CAMK1D: variants seen among roughly 807,000 people sequenced by gnomAD.
CAMK1D encodes the protein calcium/calmodulin dependent protein kinase ID, also known as calcium/calmodulin-dependent protein kinase type 1D.
CAMK1D carries 9 observed loss-of-function variants against 47.7 expected under a neutral mutation model. The ratio of observed to expected loss-of-function variants is 0.19; its 90% CI spans 0.11 to 0.33. The LOEUF (loss-of-function observed/expected upper bound fraction) is 0.33, where lower values mean the gene tolerates loss of function less well. Among genes scored for constraint, CAMK1D ranks in the 10% least tolerant of loss-of-function variants. The pLI is 1.00. For synonymous variants in CAMK1D, 184 were observed against 184.9 expected (o/e 0.99, Z 0.04); for missense variants, 291 against 488.7 (o/e 0.60, Z 3.81).
chr10:12,739,428 A>C (rs1375591356), intron 3 of CAMK1D, among the ~76,000 whole-genome samples: 3 of 145,770 alleles, frequency 2.1e-5, no homozygotes, highest in Non-Finnish European at 3.0e-5. Flanking sequence ...GGTGCATGCC[A>C]CCACACCCGG....
chr10:12,560,029 T>C (rs1836886899), intron 2 of CAMK1D, among the ~76,000 whole-genome samples: 1 of 152,096 alleles, frequency 6.6e-6, no homozygotes, highest in Non-Finnish European at 1.5e-5. Context: ...CACCTTCCTC[T>C]CAATGCGGAC....
At position 12,676,827 on chromosome 10, in the gene CAMK1D, A is replaced by G. The variant is rs552277186; in HGVS notation, c.299+10017A>G. 3.3e-5 allele frequency among the ~76,000 whole-genome samples: 5 copies of G among 152,348 alleles called. No individual in the cohort carries two copies. The South Asian group carries it at 1.0e-3, about 32-fold the overall frequency. On this transcript the variant is annotated intron_variant, in intron 3 of 10. Coordinates refer to ENST00000619168, the MANE Select transcript of CAMK1D (RefSeq NM_153498.4). ...AAGTATTTAAAAAGCAGAGCTCACC[A>G]GAAAATATCCTATATTTTGTGGTGG... is the stretch of plus-strand genomic sequence containing the variant.
chr10:12,628,749 T>G (rs1839295193), intron 2 of CAMK1D, among the ~76,000 whole-genome samples: 1 of 152,220 alleles, frequency 6.6e-6, no homozygotes, highest in African/African-American at 2.4e-5. Flanking sequence ...ATCGTTTCAC[T>G]GCTATACAAA....
chr10:12,697,007 A>G (rs1026465167), intron 3 of CAMK1D, among the ~76,000 whole-genome samples: 5 of 152,182 alleles, frequency 3.3e-5, no homozygotes, highest in African/African-American at 1.2e-4. Flanking sequence ...TTCTCACTGA[A>G]CTTAGAAAGG....
At chr10:12,394,311 C>T (rs1838857052) in intron 1 of CAMK1D, among the ~76,000 whole-genome samples, 2 of 152,132 alleles carry the variant, frequency 1.3e-5, no homozygotes. Context: ...CAGAAACTCC[C>T]CAGACCTCTC....
intron 2 of CAMK1D, among the ~76,000 whole-genome samples, chr10:12,569,887 G>A (rs1837267951): frequency 1.3e-5 from 2 of 151,766 alleles, no homozygotes; most frequent in Admixed American, 1.3e-4. Flanking sequence ...GACTCTACAA[G>A]TACTTGAGGT....
intron 1 of CAMK1D, among the ~76,000 whole-genome samples, chr10:12,519,349 G>C (rs1835318987): frequency 2.1e-5 from 1 of 46,750 alleles, no homozygotes; most frequent in African/African-American, 8.8e-5. Context: ...CCCGGACGGG[G>C]GGCTGACCCC....
At chr10:12,576,692 A>G (rs558844056) in intron 2 of CAMK1D, among the ~76,000 whole-genome samples, 1 of 152,296 alleles carries the variant, frequency 6.6e-6, no homozygotes, top group South Asian at 2.1e-4. Flanking sequence ...ATCTTTTGCC[A>G]CCAATGATCT....
intron 3 of CAMK1D, among the ~76,000 whole-genome samples, chr10:12,746,459 G>T (rs182944903): frequency 2.1e-3 from 316 of 152,116 alleles, no homozygotes; most frequent in Admixed American, 5.0e-3. Context: ...ACATTGGAAC[G>T]TTAGGCTTAT....
chr10:12,505,386 A>G (rs749512884), intron 1 of CAMK1D, among the ~76,000 whole-genome samples: 2 of 152,208 alleles, frequency 1.3e-5, no homozygotes, highest in Non-Finnish European at 2.9e-5. Flanking sequence ...TATAGAGACT[A>G]TTAGGCCTGC....
intron 1 of CAMK1D, among the ~76,000 whole-genome samples, chr10:12,460,512 A>C (rs1196929033): frequency 6.6e-6 from 1 of 152,054 alleles, no homozygotes; most frequent in Non-Finnish European, 1.5e-5. Flanking sequence ...AGCTCACTGC[A>C]TCCTCCTCCT....
chr10:12,801,307 A>ATCTG (rs1302449864), intron 6 of CAMK1D, among the ~76,000 whole-genome samples: 8 of 102,508 alleles, frequency 7.8e-5, no homozygotes, highest in South Asian at 3.8e-4. Flanking sequence ...GTATCTATCT[A>ATCTG]TCTATCTATC....
At chr10:12,551,237 A>G (rs1264018803) in intron 1 of CAMK1D, among the ~76,000 whole-genome samples, 1 of 152,230 alleles carries the variant, frequency 6.6e-6, no homozygotes, top group Non-Finnish European at 1.5e-5. Context: ...CAAGGACTGC[A>G]TTAGATTCTC....
chr10:12,747,185 C>G (rs1028748243), intron 3 of CAMK1D, among the ~76,000 whole-genome samples: 1 of 152,134 alleles, frequency 6.6e-6, no homozygotes, highest in African/African-American at 2.4e-5. Flanking sequence ...GCGCACACCA[C>G]CAAGCCCAGC....
rs534166796 is a variant in CAMK1D at position 12,400,582 on chromosome 10, A to G, written c.92+50672A>G. ...TTTCTTAATAGCCGCTAGCTCTACA[A>G]ATTTTAATCCCTACTAAATAGTATA... On this transcript the variant is annotated intron_variant, in intron 1 of 10. Coordinates refer to ENST00000619168, the MANE Select transcript of CAMK1D (RefSeq NM_153498.4). 2.7e-4 allele frequency among the ~76,000 whole-genome samples: 41 copies of G among 152,214 alleles called. No individual in the cohort carries two copies. The South Asian group carries it at 7.9e-3, about 29-fold the overall frequency.
intron 2 of CAMK1D, among the ~76,000 whole-genome samples, chr10:12,602,518 C>T (rs887251411): frequency 6.6e-6 from 1 of 151,882 alleles, no homozygotes; most frequent in Non-Finnish European, 1.5e-5. Context: ...GAGCAGGTGC[C>T]ATTTGGGACA....
At chr10:12,577,008 C>A (rs1837508832) in intron 2 of CAMK1D, among the ~76,000 whole-genome samples, 1 of 152,182 alleles carries the variant, frequency 6.6e-6, no homozygotes, top group Non-Finnish European at 1.5e-5. Context: ...GGCCGTGGAA[C>A]CAGTTCCAGA....
At position 12,834,720 on chromosome 10, in the gene CAMK1D, G is replaced by A. The variant is rs1215312806; in HGVS notation, c.*5833G>A. 6.6e-6 allele frequency: 1 copy of A among 152,044 alleles called. No individual in the cohort carries two copies. The highest frequency in any genetic ancestry group is 1.9e-4 in the East Asian group (1 of 5,186). The allele number at this position is 152,044 out of a possible 1,614,324, so 9.4% of individuals were successfully genotyped here. A position where few individuals can be genotyped will look rare whatever the true frequency, so the allele number is the denominator to read the frequency against. On this transcript the variant is annotated 3_prime_UTR_variant, in exon 11 of 11. Coordinates refer to ENST00000619168, the MANE Select transcript of CAMK1D (RefSeq NM_153498.4). ...GAAAAAAGAAAATGAGGAGGAGTTG[G>A]TTTTACTCTTAGAGATAAGACTTCA...
intron 1 of CAMK1D, among the ~76,000 whole-genome samples, chr10:12,425,562 G>A (rs972487466): frequency 2.0e-5 from 3 of 152,136 alleles, no homozygotes; most frequent in South Asian, 2.1e-4. Flanking sequence ...GATTACAGGC[G>A]TGAGCCACCG....
Sources: gnomAD v4.1 joint callset for allele counts (sites outside exome capture counted in the v4.1 genomes callset) on GRCh38, gnomAD v4.1.1 for gene constraint, MANE v1.5 for transcripts, NCBI Gene and HGNC (gene_info 2026-07-23, HGNC 2026-07-21) for gene names.